The following AGAP1 variants were observed in gnomAD, a reference collection of about 807,000 sequenced individuals.
AGAP1 encodes the protein arf-GAP with GTPase, ANK repeat and PH domain-containing protein 1.
A neutral mutation model predicts 105.3 loss-of-function variants in AGAP1; 29 were observed. That is an observed-to-expected ratio of 0.28 (90% confidence interval 0.21 to 0.38). AGAP1 has a LOEUF of 0.38. Ranked by LOEUF, AGAP1 falls within the 10% of genes least tolerant of loss-of-function variation. AGAP1 has a pLI of 1.00. For synonymous variants in AGAP1, 509 were observed against 485.9 expected (o/e 1.05, Z -0.63); for missense variants, 998 against 1,165.1 (o/e 0.86, Z 2.09).
At chr2:235,756,941 G>T (rs1360520576) in intron 6 of AGAP1, among the ~76,000 whole-genome samples, 1 of 151,926 alleles carries the variant, frequency 6.6e-6, no homozygotes, top group African/African-American at 2.4e-5. Flanking sequence ...AAAAGGTTGG[G>T]GACTGCTGCT....
chr2:235,922,707 T>G (rs988330500), intron 11 of AGAP1, among the ~76,000 whole-genome samples: 11 of 152,228 alleles, frequency 7.2e-5, no homozygotes, highest in African/African-American at 2.7e-4. Context: ...TTGATGTCAT[T>G]TGGTGGATGA....
At chr2:235,846,016 T>C (rs933882821) in intron 9 of AGAP1, among the ~76,000 whole-genome samples, 1 of 152,162 alleles carries the variant, frequency 6.6e-6, no homozygotes, top group African/African-American at 2.4e-5. Flanking sequence ...ATTTTAAAAA[T>C]ACTAAATTAA....
At chr2:235,952,085 T>C (rs2053761330) in intron 12 of AGAP1, among the ~76,000 whole-genome samples, 1 of 152,240 alleles carries the variant, frequency 6.6e-6, no homozygotes, top group South Asian at 2.1e-4. Context: ...GATTCCAGTA[T>C]TCAGTGCACA....
intron 9 of AGAP1, chr2:235,852,600 G>T: frequency 6.4e-6 from 8 of 1,255,954 alleles, no homozygotes; most frequent in Non-Finnish European, 8.3e-6. Context: ...TAAGGGTTAG[G>T]TAATTGAGTT....
intron 3 of AGAP1, among the ~76,000 whole-genome samples, chr2:235,722,810 C>T (rs1338597301): frequency 6.6e-6 from 1 of 151,932 alleles, no homozygotes; most frequent in Non-Finnish European, 1.5e-5. Context: ...AATCTTTTGG[C>T]TTTGCTGGGC....
chr2:236,031,880 C>G (rs912780731), intron 13 of AGAP1, among the ~76,000 whole-genome samples: 1 of 152,280 alleles, frequency 6.6e-6, no homozygotes, highest in East Asian at 1.9e-4. Flanking sequence ...GTGATAGAGA[C>G]AGGACCACCT....
chr2:235,524,154 G>A lies in AGAP1; in HGVS notation c.163+29305G>A, dbSNP rs958021954. On this transcript the variant is annotated intron_variant, in intron 1 of 17. Coordinates refer to ENST00000304032, the MANE Select transcript of AGAP1 (RefSeq NM_001037131.3). ...ATGTGTATTCTTACCACGGGCGTCC[G>A]TGGGCCACCATTGTCTCCTGGCATC... 5.3e-5 allele frequency among the ~76,000 whole-genome samples: 8 copies of A among 152,190 alleles called. No individual in the cohort carries two copies. In the South Asian group the frequency reaches 8.3e-4, roughly 16 times the overall value.
rs1426140457 is a variant in AGAP1 at position 235,525,343 on chromosome 2, TGTG to T, written c.163+30496_163+30498del. ...CATAATGTGGAGGACTAATACATAA[TGTG>T]GAGGACTGATACATAATGTGGAGGA... On this transcript the variant is annotated intron_variant, in intron 1 of 17. Coordinates refer to ENST00000304032, the MANE Select transcript of AGAP1 (RefSeq NM_001037131.3). Among the ~76,000 whole-genome samples the T allele has an allele frequency of 2.7e-5, 3 of 110,620 alleles. No homozygotes were observed. The East Asian group carries it at 1.1e-3, about 39-fold the overall frequency. The allele number at this position is 110,620 out of a possible 152,430, so 72.6% of individuals were successfully genotyped here.
rs1167071971 is a variant in AGAP1 at position 235,620,586 on chromosome 2, G to T, written c.164-88593G>T. Among the ~76,000 whole-genome samples the T allele has an allele frequency of 6.6e-6, 1 of 152,090 alleles. No homozygotes were observed. The highest frequency in any genetic ancestry group is 6.6e-5 in the Admixed American group (1 of 15,262). On this transcript the variant is annotated intron_variant, in intron 1 of 17. Coordinates refer to ENST00000304032, the MANE Select transcript of AGAP1 (RefSeq NM_001037131.3). This position sits in a 1 kb window ranked among gnomAD's most constrained non-coding sequence, Gnocchi z 4.5. Reference sequence around the variant, plus strand: ...CCTCCAGTGTCATTGAGGACCCTCCGTGGCACCTGGCCTTCCTCCCAGCCA... The same window carrying T: ...CCTCCAGTGTCATTGAGGACCCTCCTTGGCACCTGGCCTTCCTCCCAGCCA...
intron 10 of AGAP1, among the ~76,000 whole-genome samples, chr2:235,907,128 C>G (rs1338891396): frequency 6.6e-6 from 1 of 152,224 alleles, no homozygotes; most frequent in Non-Finnish European, 1.5e-5. Context: ...CCTCAATACA[C>G]TTGGCCAAGT....
At chr2:235,658,117 T>G (rs1474931230) in intron 1 of AGAP1, among the ~76,000 whole-genome samples, 2 of 152,230 alleles carry the variant, frequency 1.3e-5, no homozygotes, top group African/African-American at 4.8e-5. Flanking sequence ...CTTCAAATGT[T>G]ATGAACATTA....
intron 1 of AGAP1, among the ~76,000 whole-genome samples, chr2:235,619,408 G>C (rs1360648027): frequency 6.6e-6 from 1 of 150,420 alleles, no homozygotes; most frequent in African/African-American, 2.4e-5. Context: ...TTCAATCCTG[G>C]GGCTGAAGTA....
In AGAP1 at chr2:236,046,492, G is replaced by A. The variant is rs1332963375; in HGVS notation, c.1892-2567G>A. Among the ~76,000 whole-genome samples the A allele has an allele frequency of 6.6e-6, 1 of 152,210 alleles. No homozygotes were observed. Among genetic ancestry groups the A allele is most frequent in the Non-Finnish European group, 1.5e-5 (1 of 68,036 alleles). On this transcript the variant is annotated intron_variant, in intron 15 of 17. Coordinates refer to ENST00000304032, the MANE Select transcript of AGAP1 (RefSeq NM_001037131.3). This position sits in a 1 kb window ranked among gnomAD's most constrained non-coding sequence, Gnocchi z 5.2. Reference sequence around the variant, plus strand: ...GAACCTTGTGATTGGCTGTGGGAATGATGGAAGAATTAAGGTGGACCCCTG... The same window carrying A: ...GAACCTTGTGATTGGCTGTGGGAATAATGGAAGAATTAAGGTGGACCCCTG...
In AGAP1 at chr2:235,906,294, G is replaced by A. The variant is rs2051302983; in HGVS notation, c.1156-2444G>A. Among the ~76,000 whole-genome samples, 1 of 152,182 alleles carries A rather than the reference G, an allele frequency of 6.6e-6. No homozygotes were observed. The highest frequency in any genetic ancestry group is 2.4e-5 in the African/African-American group (1 of 41,446). Reference sequence around the variant, plus strand: ...CCGGGGAATGCCCGGCCTTGCCCCTGCCTCTGAATTTGCCCCACTGTAGCA... The same window carrying A: ...CCGGGGAATGCCCGGCCTTGCCCCTACCTCTGAATTTGCCCCACTGTAGCA... On this transcript the variant is annotated intron_variant, in intron 10 of 17. Coordinates refer to ENST00000304032, the MANE Select transcript of AGAP1 (RefSeq NM_001037131.3). This position sits in a 1 kb window ranked among gnomAD's most constrained non-coding sequence, Gnocchi z 5.3.
rs956241737 is a variant in AGAP1 at position 235,701,425 on chromosome 2, G to T, written c.164-7754G>T. Among the ~76,000 whole-genome samples the T allele has an allele frequency of 1.3e-5, 2 of 152,130 alleles. No homozygotes were observed. The highest frequency in any genetic ancestry group is 2.9e-5 in the Non-Finnish European group (2 of 68,018). On this transcript the variant is annotated intron_variant, in intron 1 of 17. Coordinates refer to ENST00000304032, the MANE Select transcript of AGAP1 (RefSeq NM_001037131.3). The surrounding 1 kb of genome is among the most constrained non-coding windows in gnomAD (Gnocchi z 4.1). ...GGCATGGTGGCATCTTGGTGGCCAG[G>T]TGTTCGTCACCCTGCACTGAGAGGG... is the stretch of plus-strand genomic sequence containing the variant.
At chr2:235,944,652 A>G (rs1229239567) in intron 12 of AGAP1, among the ~76,000 whole-genome samples, 1 of 152,204 alleles carries the variant, frequency 6.6e-6, no homozygotes, top group Non-Finnish European at 1.5e-5. Context: ...ATCTGAAGTC[A>G]TCTGGCTGAC....
At position 236,018,821 on chromosome 2, in the gene AGAP1, G is replaced by C. The variant is rs188589074; in HGVS notation, c.1646-17740G>C. ...GATTTAGAGCTCGCCCCAGCAACAGGCCTGGGAAACCTCTGCTTTGGGTAC... is the reference window on the plus strand; with the variant it reads ...GATTTAGAGCTCGCCCCAGCAACAGCCCTGGGAAACCTCTGCTTTGGGTAC... On this transcript the variant is annotated intron_variant, in intron 13 of 17. Transcript: ENST00000304032. Among the ~76,000 whole-genome samples the C allele has an allele frequency of 2.7e-4, 41 of 152,320 alleles. 1 individual carries two copies. The East Asian group carries it at 7.0e-3, about 26-fold the overall frequency.
intron 1 of AGAP1, among the ~76,000 whole-genome samples, chr2:235,619,517 G>T (rs1053641204): frequency 6.6e-6 from 1 of 150,536 alleles, no homozygotes; most frequent in Non-Finnish European, 1.5e-5. Flanking sequence ...GGGCTGAAGT[G>T]GGGGAGCTGG....
intron 10 of AGAP1, among the ~76,000 whole-genome samples, chr2:235,894,859 C>T (rs915338703): frequency 2.0e-5 from 3 of 152,186 alleles, no homozygotes; most frequent in East Asian, 1.9e-4. Flanking sequence ...CCGATTCTGC[C>T]GTTGCCCCAC....
Sources: gnomAD v4.1 joint callset for allele counts (sites outside exome capture counted in the v4.1 genomes callset) on GRCh38, gnomAD v4.1.1 for gene constraint, Gnocchi (gnomAD v3.1) non-coding constraint, MANE v1.5 for transcripts, NCBI Gene and HGNC (gene_info 2026-07-23, HGNC 2026-07-21) for gene names.